The following CACNG4 variants were observed in gnomAD, a reference collection of about 807,000 sequenced individuals.
CACNG4 encodes the protein calcium voltage-gated channel auxiliary subunit gamma 4.
In CACNG4, 8 loss-of-function variants were observed where a neutral mutation model predicts 22.9. That is an observed-to-expected ratio of 0.35 (90% confidence interval 0.21 to 0.63). The LOEUF (loss-of-function observed/expected upper bound fraction) is 0.63, where lower values mean the gene tolerates loss of function less well. CACNG4 is among the 30% of genes least tolerant of loss of function. CACNG4 has a pLI of 0.72. For synonymous variants in CACNG4, 188 were observed against 191.9 expected, an observed-to-expected ratio of 0.98 and a Z score of 0.17; for missense variants, 357 against 455.4, an observed-to-expected ratio of 0.78 and a Z score of 1.97.
intron 1 of CACNG4, among the ~76,000 whole-genome samples, chr17:67,012,626 G>T (rs181702663): frequency 5.9e-4 from 90 of 152,304 alleles, no homozygotes; most frequent in Middle Eastern, 3.4e-3. Context: ...CTGTTCAAAG[G>T]TTTCCCCCAG....
At position 67,031,810 on chromosome 17, in the gene CACNG4, G is replaced by A. The variant is rs569895837; in HGVS notation, c.*806G>A. The A allele has an allele frequency of 1.3e-5, 6 of 456,552 alleles. No homozygotes were observed. The highest frequency in any genetic ancestry group is 7.0e-5 in the East Asian group (1 of 14,386). 28.3% of individuals were successfully genotyped at this position (456,552 alleles called of 1,614,324 possible). On this transcript the variant is annotated 3_prime_UTR_variant, in exon 4 of 4. Coordinates refer to ENST00000262138, the MANE Select transcript of CACNG4 (RefSeq NM_014405.4). This position sits in a 1 kb window ranked among gnomAD's most constrained non-coding sequence, Gnocchi z 4.0. ...CATCGGTCAGGGGAATGGCGGCCAC[G>A]TGACCTCTTGCCGTGCCCCTTGTCA...
At chr17:67,029,784 T>G (rs2035590735) in intron 3 of CACNG4, among the ~76,000 whole-genome samples, 1 of 152,214 alleles carries the variant, frequency 6.6e-6, no homozygotes, top group Non-Finnish European at 1.5e-5. Context: ...TATGAAACTC[T>G]CTGGACCTGG....
At chr17:67,010,938 T>A (rs1412581462) in intron 1 of CACNG4, among the ~76,000 whole-genome samples, 5 of 152,070 alleles carry the variant, frequency 3.3e-5, no homozygotes, top group Non-Finnish European at 5.9e-5. Context: ...ACAGACATGG[T>A]CCATTTGGCC....
At chr17:67,018,373 G>T (rs930624772) in intron 2 of CACNG4, 101 bp downstream of exon 2, 1 of 823,128 alleles carries the variant, frequency 1.2e-6, no homozygotes, top group African/African-American at 1.7e-5. Context: ...GAGGGTGATT[G>T]TCTTGGGATG....
At chr17:66,994,807 C>T (rs889809687) in intron 1 of CACNG4, among the ~76,000 whole-genome samples, 2 of 152,116 alleles carry the variant, frequency 1.3e-5, no homozygotes, top group African/African-American at 2.4e-5. Flanking sequence ...CTCCTCCATA[C>T]GTTCTCAGAG....
intron 1 of CACNG4, among the ~76,000 whole-genome samples, chr17:66,973,186 G>A (rs1418756253): frequency 2.0e-5 from 3 of 151,490 alleles, no homozygotes; most frequent in Non-Finnish European, 4.4e-5. Context: ...GTTGCACTGA[G>A]CTGAGAGCTC....
In CACNG4 at chr17:67,030,548, G is replaced by A. The variant is rs781720730; in HGVS notation, c.528G>A (p.Lys176=). The A allele has an allele frequency of 6.2e-7, 1 of 1,614,204 alleles. No individual in the cohort carries two copies. Among genetic ancestry groups the A allele is most frequent in the Non-Finnish European group, 8.5e-7 (1 of 1,180,042 alleles). ...DPSDKRDEDK[K]NHYNYGWSFY... ...GTGACAAGCGGGACGAAGACAAAAA[G>A]AACCATTACAACTACGGCTGGTCTT... The change falls in exon 4 of 4, where the codon AAG becomes AAA. Residue 176 remains lysine, a synonymous_variant. Coordinates refer to ENST00000262138, the MANE Select transcript of CACNG4 (RefSeq NM_014405.4). The surrounding 1 kb of genome is among the most constrained non-coding windows in gnomAD (Gnocchi z 6.4).
At chr17:66,967,880 G>A (rs1042189863) in intron 1 of CACNG4, among the ~76,000 whole-genome samples, 12 of 152,186 alleles carry the variant, frequency 7.9e-5, no homozygotes, top group African/African-American at 2.9e-4. Flanking sequence ...AGGTATCCAT[G>A]CATTCTGGCA....
At chr17:66,965,291 A>G (rs924290119) in intron 1 of CACNG4, among the ~76,000 whole-genome samples, 160 bp downstream of exon 1, 5 of 148,570 alleles carry the variant, frequency 3.4e-5, no homozygotes, top group African/African-American at 9.9e-5. Flanking sequence ...CGCGCGAGAC[A>G]CAAAGGAGCC....
Position 67,031,491 on chromosome 17 carries a change from G to A in CACNG4, c.*487G>A, listed in dbSNP as rs777300400. The A allele has an allele frequency of 4.4e-6, 2 of 457,660 alleles. No individual in the cohort carries two copies. The highest frequency in any genetic ancestry group is 3.1e-5 in the South Asian group (2 of 64,560). 28.3% of individuals were successfully genotyped at this position (457,660 alleles called of 1,614,324 possible). ...TTGAACCTGAGGTTCCTGCGTCGTTGAGCCAGAAATCAGACCACCGAAGCT... is the reference window on the plus strand; with the variant it reads ...TTGAACCTGAGGTTCCTGCGTCGTTAAGCCAGAAATCAGACCACCGAAGCT... On this transcript the variant is annotated 3_prime_UTR_variant, in exon 4 of 4. Transcript: ENST00000262138. This position sits in a 1 kb window ranked among gnomAD's most constrained non-coding sequence, Gnocchi z 4.0.
intron 1 of CACNG4, among the ~76,000 whole-genome samples, chr17:67,003,927 G>A (rs1015423331): frequency 6.6e-6 from 1 of 152,186 alleles, no homozygotes; most frequent in Non-Finnish European, 1.5e-5. Flanking sequence ...TGAAGTGGAT[G>A]ATCCCAAGGG....
chr17:67,022,748 G>A (rs369172054), intron 2 of CACNG4, among the ~76,000 whole-genome samples: 1 of 152,192 alleles, frequency 6.6e-6, no homozygotes, highest in Admixed American at 6.5e-5. Flanking sequence ...AGATTTCTAC[G>A]GGGCTGGGAG....
At chr17:66,998,615 C>G (rs1045828559) in intron 1 of CACNG4, among the ~76,000 whole-genome samples, 2 of 152,134 alleles carry the variant, frequency 1.3e-5, no homozygotes, top group Admixed American at 1.3e-4. Context: ...AAGTGTTCCC[C>G]GCTCACCCTC....
chr17:67,014,859 C>T (rs965750256), intron 1 of CACNG4, among the ~76,000 whole-genome samples: 1 of 151,610 alleles, frequency 6.6e-6, no homozygotes, highest in Non-Finnish European at 1.5e-5. Context: ...ATTGCTTGAA[C>T]CCAGGAAGCA....
At chr17:66,979,902 T>A (rs1167429998) in intron 1 of CACNG4, among the ~76,000 whole-genome samples, 1 of 152,010 alleles carries the variant, frequency 6.6e-6, no homozygotes, top group Non-Finnish European at 1.5e-5. Flanking sequence ...ATTACAGGCA[T>A]GTGCCACCAT....
Position 67,027,430 on chromosome 17 carries a change from G to T in CACNG4, c.445+2430G>T, listed in dbSNP as rs2035574991. ...ATTGGCTTATTCCCTGGCGCATGGGGCACTGATGGGGACTGAGCAGGGCAG... is the reference window on the plus strand; with the variant it reads ...ATTGGCTTATTCCCTGGCGCATGGGTCACTGATGGGGACTGAGCAGGGCAG... On this transcript the variant is annotated intron_variant, in intron 3 of 3. Transcript: ENST00000262138. This position sits in a 1 kb window ranked among gnomAD's most constrained non-coding sequence, Gnocchi z 4.3. 1.3e-5 allele frequency among the ~76,000 whole-genome samples: 2 copies of T among 152,220 alleles called. No homozygotes were observed. The highest frequency in any genetic ancestry group is 4.8e-5 in the African/African-American group (2 of 41,458).
At chr17:67,007,385 A>C (rs2035444035) in intron 1 of CACNG4, among the ~76,000 whole-genome samples, 1 of 152,238 alleles carries the variant, frequency 6.6e-6, no homozygotes, top group Non-Finnish European at 1.5e-5. Flanking sequence ...TAATTGGAAC[A>C]GTCTAGTCTA....
At chr17:67,014,857 A>G (rs1364036003) in intron 1 of CACNG4, among the ~76,000 whole-genome samples, 2 of 151,848 alleles carry the variant, frequency 1.3e-5, no homozygotes, top group Admixed American at 1.3e-4. Flanking sequence ...GAATTGCTTG[A>G]ACCCAGGAAG....
chr17:67,031,797 G>A lies in CACNG4; in HGVS notation c.*793G>A. ...GTCTGGAGGGTTCCATCGGTCAGGG[G>A]AATGGCGGCCACGTGACCTCTTGCC... On this transcript the variant is annotated 3_prime_UTR_variant, in exon 4 of 4. Coordinates refer to ENST00000262138, the MANE Select transcript of CACNG4 (RefSeq NM_014405.4). This position sits in a 1 kb window ranked among gnomAD's most constrained non-coding sequence, Gnocchi z 4.0. 4.4e-6 allele frequency: 2 copies of A among 456,734 alleles called. No individual in the cohort carries two copies. The highest frequency in any genetic ancestry group is 3.1e-5 in the South Asian group (2 of 64,572). The allele number at this position is 456,734 out of a possible 1,614,324, so 28.3% of individuals were successfully genotyped here.
Sources: allele counts gnomAD v4.1 joint callset (sites outside exome capture counted in the v4.1 genomes callset), GRCh38; gene constraint gnomAD v4.1.1; non-coding constraint Gnocchi (gnomAD v3.1); transcripts MANE v1.5; gene names NCBI Gene and HGNC (gene_info 2026-07-23, HGNC 2026-07-21).